NKAIN2: variants seen among roughly 807,000 people sequenced by gnomAD.
NKAIN2 encodes sodium/potassium transporting ATPase interacting 2.
In NKAIN2, 14 loss-of-function variants were observed where a neutral mutation model predicts 32.6. The observed-to-expected ratio is 0.43, with a 90% confidence interval of 0.28 to 0.67. NKAIN2 has a LOEUF of 0.67. NKAIN2 is among the 30% of genes least tolerant of loss of function. The probability of loss-of-function intolerance (pLI) is 0.17; values close to 1 mark genes in which losing one functional copy is unlikely to be tolerated. For missense variants in NKAIN2, 198 were observed against 258.3 expected, an observed-to-expected ratio of 0.77 and a Z score of 1.60; for synonymous variants, 80 against 87.2, an observed-to-expected ratio of 0.92 and a Z score of 0.46.
At chr6:124,258,085 T>C (rs982967322) in intron 1 of NKAIN2, among the ~76,000 whole-genome samples, 7 of 152,036 alleles carry the variant, frequency 4.6e-5, no homozygotes, top group Non-Finnish European at 8.8e-5. Flanking sequence ...GGCCAATTCA[T>C]TTAATTCTTA....
At chr6:124,490,418 T>TTTTG (rs779123701) in intron 3 of NKAIN2, 21 of 413,302 alleles carry the variant, frequency 5.1e-5, no homozygotes, top group East Asian at 4.3e-4. Flanking sequence ...AGAGGTTTTT[T>TTTTG]TTTTTTTTTT....
intron 1 of NKAIN2, among the ~76,000 whole-genome samples, chr6:124,064,239 A>G (rs1004814733): frequency 6.6e-6 from 1 of 152,168 alleles, no homozygotes; most frequent in East Asian, 1.9e-4. Context: ...GTTAACTTAC[A>G]TTATTTACAT....
At chr6:124,169,763 A>C (rs1036854382) in intron 1 of NKAIN2, among the ~76,000 whole-genome samples, 1 of 152,000 alleles carries the variant, frequency 6.6e-6, no homozygotes, top group Admixed American at 6.6e-5. Flanking sequence ...TTAGGTGGAA[A>C]ATCTTACCTC....
intron 3 of NKAIN2, among the ~76,000 whole-genome samples, chr6:124,564,948 G>A (rs1780849987): frequency 6.6e-6 from 1 of 151,460 alleles, no homozygotes; most frequent in Non-Finnish European, 1.5e-5. Context: ...TTTTTTTCAG[G>A]CTTTTATTGT....
At chr6:124,437,724 C>T (rs1251218102) in intron 3 of NKAIN2, among the ~76,000 whole-genome samples, 1 of 152,070 alleles carries the variant, frequency 6.6e-6, no homozygotes, top group Non-Finnish European at 1.5e-5. Context: ...TGAGGTAAGG[C>T]ATGTGCTTTG....
At chr6:124,158,027 G>A (rs1788075012) in intron 1 of NKAIN2, among the ~76,000 whole-genome samples, 1 of 152,162 alleles carries the variant, frequency 6.6e-6, no homozygotes, top group Non-Finnish European at 1.5e-5. Flanking sequence ...CCAATATGAA[G>A]AATTTATTGT....
At chr6:124,626,546 C>T (rs936439212) in intron 3 of NKAIN2, among the ~76,000 whole-genome samples, 1 of 152,098 alleles carries the variant, frequency 6.6e-6, no homozygotes, top group Non-Finnish European at 1.5e-5. Flanking sequence ...ATTCAACATC[C>T]AGGAAATCCA....
intron 4 of NKAIN2, among the ~76,000 whole-genome samples, chr6:124,718,968 A>C (rs958969142): frequency 6.6e-6 from 1 of 152,236 alleles, no homozygotes; most frequent in African/African-American, 2.4e-5. Flanking sequence ...TCAATTTAAC[A>C]TGTCATTTCT....
At chr6:124,416,764 A>G (rs1372250602) in intron 3 of NKAIN2, among the ~76,000 whole-genome samples, 2 of 152,278 alleles carry the variant, frequency 1.3e-5, no homozygotes, top group East Asian at 1.9e-4. Context: ...ATAGGGGAAC[A>G]TGGGGAGCAG....
Position 124,355,311 on chromosome 6 carries a change from T to C in NKAIN2, c.237T>C (p.Val79=). ...LVLWVTWNVF[V]ICFYLEAGDL... Reference sequence around the variant, plus strand: ...TCTGGGTTACGTGGAATGTGTTTGTTATCTGCTTCTATTTGGAGGCTGGGG... The same window carrying C: ...TCTGGGTTACGTGGAATGTGTTTGTCATCTGCTTCTATTTGGAGGCTGGGG... The change falls in exon 3 of 7, where the codon GTT becomes GTC. Residue 79 remains valine, a synonymous_variant. Coordinates refer to ENST00000368417, the MANE Select transcript of NKAIN2 (RefSeq NM_001040214.3). 1 of 1,611,216 alleles carries C rather than the reference T, an allele frequency of 6.2e-7. No homozygotes were observed. The highest frequency in any genetic ancestry group is 1.1e-5 in the South Asian group (1 of 91,012).
intron 3 of NKAIN2, among the ~76,000 whole-genome samples, chr6:124,478,933 G>C (rs968292403): frequency 6.6e-6 from 1 of 151,952 alleles, no homozygotes; most frequent in Non-Finnish European, 1.5e-5. Flanking sequence ...ATATCAACAG[G>C]GGCAAATCAT....
intron 5 of NKAIN2, 84 bp downstream of exon 5, chr6:124,791,483 A>T: frequency 1.2e-6 from 1 of 828,010 alleles, no homozygotes; most frequent in Non-Finnish European, 2.0e-6. Flanking sequence ...TATTCCTCAG[A>T]CAAGATCCTA....
chr6:124,542,738 C>T (rs923783721), intron 3 of NKAIN2, among the ~76,000 whole-genome samples: 9 of 152,098 alleles, frequency 5.9e-5, no homozygotes, highest in African/African-American at 2.2e-4. Context: ...CCATATAGCA[C>T]CTGTTGGCTT....
intron 1 of NKAIN2, among the ~76,000 whole-genome samples, chr6:123,910,368 A>G (rs1033294787): frequency 1.3e-5 from 2 of 152,142 alleles, no homozygotes; most frequent in Non-Finnish European, 2.9e-5. Context: ...AACATGTTCT[A>G]CATTTTAGAT....
intron 1 of NKAIN2, among the ~76,000 whole-genome samples, chr6:124,221,662 G>A (rs1791834351): frequency 6.6e-6 from 1 of 152,098 alleles, no homozygotes; most frequent in Non-Finnish European, 1.5e-5. Context: ...GGCCAGAAAT[G>A]ATGCTAAAGA....
At chr6:123,828,990 G>A (rs1003850445) in intron 1 of NKAIN2, 1 of 152,122 alleles carries the variant, frequency 6.6e-6, no homozygotes, top group African/African-American at 2.4e-5. Flanking sequence ...TTCTGTAGGT[G>A]CTCAATAAAT....
chr6:124,308,114 T>A (rs1796580046), intron 2 of NKAIN2, among the ~76,000 whole-genome samples: 1 of 152,108 alleles, frequency 6.6e-6, no homozygotes, highest in Admixed American at 6.6e-5. Flanking sequence ...ATGCATTAGG[T>A]ATTTGTTCTA....
rs541571643 is a variant in NKAIN2, at chr6:123,991,118, G to A, written c.54+186864G>A. 8.5e-5 allele frequency among the ~76,000 whole-genome samples: 13 copies of A among 152,250 alleles called. No homozygotes were observed. The South Asian group carries it at 2.5e-3, about 29-fold the overall frequency. ...ATATGTGGTAGAAATAGTAAGGAACGCAGAGTTTCTTTTCTTCTTAAGGAA... is the reference window on the plus strand; with the variant it reads ...ATATGTGGTAGAAATAGTAAGGAACACAGAGTTTCTTTTCTTCTTAAGGAA... On this transcript the variant is annotated intron_variant, in intron 1 of 6. Coordinates refer to ENST00000368417, the MANE Select transcript of NKAIN2 (RefSeq NM_001040214.3).
chr6:124,231,319 GGACTTTCCTTGTCTCAGATAA>G (rs1792449310), intron 1 of NKAIN2, among the ~76,000 whole-genome samples: 1 of 152,124 alleles, frequency 6.6e-6, no homozygotes, highest in African/African-American at 2.4e-5. Flanking sequence ...GCGGAGGAAG[GGACTTTCCTTGTCTCAGATAA>G]GACTTTAGAC....
Sources: gnomAD v4.1 joint callset for allele counts (sites outside exome capture counted in the v4.1 genomes callset) on GRCh38, gnomAD v4.1.1 for gene constraint, MANE v1.5 for transcripts, NCBI Gene and HGNC (gene_info 2026-07-23, HGNC 2026-07-21) for gene names.